GMEB1: variants seen among roughly 807,000 people sequenced by gnomAD.
The protein encoded by GMEB1 is glucocorticoid modulatory element binding protein 1.
In GMEB1, 6 loss-of-function variants were observed where a neutral mutation model predicts 52.4. The ratio of observed to expected loss-of-function variants is 0.11; its 90% CI spans 0.06 to 0.23. GMEB1 has a LOEUF of 0.23. Ranked by LOEUF, GMEB1 falls within the 10% of genes least tolerant of loss-of-function variation. GMEB1 has a pLI of 1.00. For missense variants in GMEB1, 486 were observed against 685.6 expected, an observed-to-expected ratio of 0.71 and a Z score of 3.25; for synonymous variants, 255 against 244.9, an observed-to-expected ratio of 1.04 and a Z score of -0.38.
chr1:28,712,743 A>C (rs1411347899), intron 9 of GMEB1, among the ~76,000 whole-genome samples: 1 of 151,296 alleles, frequency 6.6e-6, no homozygotes, highest in Non-Finnish European at 1.5e-5. Context: ...CACTTGAACC[A>C]GGAGAATTGC....
rs1169280908 is a variant in GMEB1, at chr1:28,716,515, G to A, written c.*1742G>A. On this transcript the variant is annotated 3_prime_UTR_variant, in exon 10 of 10. Coordinates refer to ENST00000373816, the MANE Select transcript of GMEB1 (RefSeq NM_001319674.2). ...GCTGATTTGGAGAACAGTGACAGGT[G>A]CCTGCCTGCCTTCGTCCCCTTTTAG... The A allele has an allele frequency of 1.3e-5, 2 of 152,132 alleles. No homozygotes were observed. The highest frequency in any genetic ancestry group is 2.9e-5 in the Non-Finnish European group (2 of 68,054). The allele number at this position is 152,132 out of a possible 1,614,324, so 9.4% of individuals were successfully genotyped here. A position where few individuals can be genotyped will look rare whatever the true frequency, so the allele number is the denominator to read the frequency against.
chr1:28,700,513 CAAAA>C (rs35332797), intron 6 of GMEB1, among the ~76,000 whole-genome samples: 1 of 82,458 alleles, frequency 1.2e-5, no homozygotes, highest in Non-Finnish European at 2.3e-5. Flanking sequence ...GACTCCATCT[CAAAA>C]AAAAAAAAAA....
chr1:28,714,896 A>G lies in GMEB1; in HGVS notation c.*123A>G. The stretch of plus-strand genomic sequence containing the variant: ...TTTAAAAAAAAAAAAACAAAATCTT[A>G]TTGTTGTAACTGAAAATGTTGGGTT... On this transcript the variant is annotated 3_prime_UTR_variant, in exon 10 of 10. Transcript: ENST00000373816. The G allele has an allele frequency of 1.4e-6, 1 of 717,078 alleles. No individual in the cohort carries two copies. Among genetic ancestry groups the G allele is most frequent in the Non-Finnish European group, 2.2e-6 (1 of 446,362 alleles). The allele number at this position is 717,078 out of a possible 1,614,324, so 44.4% of individuals were successfully genotyped here. A position where few individuals can be genotyped will look rare whatever the true frequency, so the allele number is the denominator to read the frequency against.
At chr1:28,686,847 A>G (rs542717967) in intron 2 of GMEB1, among the ~76,000 whole-genome samples, 1 of 152,066 alleles carries the variant, frequency 6.6e-6, no homozygotes, top group African/African-American at 2.4e-5. Flanking sequence ...AATTGAATAA[A>G]TGAATAAGCC....
Position 28,675,236 on chromosome 1 carries a change from C to T in GMEB1, c.-31+6397C>T, listed in dbSNP as rs374237540. Among the ~76,000 whole-genome samples the T allele has an allele frequency of 5.3e-5, 8 of 151,402 alleles. No homozygotes were observed. In the East Asian group the frequency reaches 9.8e-4, roughly 19 times the overall value. ...GTTTCACCATGTTAGCCAGGATGGT[C>T]TTGATCTCCTGACCTTGTGATCCAC... is the stretch of plus-strand genomic sequence containing the variant. On this transcript the variant is annotated intron_variant, in intron 1 of 9. Transcript: ENST00000373816.
At chr1:28,709,386 A>T (rs1234668040) in intron 8 of GMEB1, among the ~76,000 whole-genome samples, 2 of 152,078 alleles carry the variant, frequency 1.3e-5, no homozygotes, top group African/African-American at 4.8e-5. Flanking sequence ...TCTAATCTTC[A>T]TGTCTATTTT....
intron 2 of GMEB1, chr1:28,689,714 G>A: frequency 6.3e-6 from 1 of 158,740 alleles, no homozygotes; most frequent in Non-Finnish European, 1.4e-5. Flanking sequence ...GTAACTGTTT[G>A]TAGATGTCCT....
At chr1:28,709,870 C>G (rs186912347) in intron 8 of GMEB1, among the ~76,000 whole-genome samples, 1 of 151,962 alleles carries the variant, frequency 6.6e-6, no homozygotes. Context: ...TCAAATTGGC[C>G]GGGCGCGGTG....
intron 1 of GMEB1, among the ~76,000 whole-genome samples, chr1:28,669,758 A>G (rs1474651168): frequency 2.6e-5 from 4 of 152,170 alleles, no homozygotes; most frequent in African/African-American, 9.6e-5. Flanking sequence ...GGAGAAACCT[A>G]TCTTTTTGAG....
intron 5 of GMEB1, among the ~76,000 whole-genome samples, chr1:28,695,704 C>T (rs1022398636): frequency 1.4e-5 from 2 of 148,020 alleles, no homozygotes; most frequent in African/African-American, 2.5e-5. Context: ...TTTGGGAGGC[C>T]GAGGCGGGCG....
At position 28,717,896 on chromosome 1, in the gene GMEB1, T is replaced by C. The variant is rs1033343174; in HGVS notation, c.*3123T>C. ...AGCTATTGGTAGGGTTTTAAGGTCG[T>C]GTGTGCATCATGCTTCCAATGTCAA... is the stretch of plus-strand genomic sequence containing the variant. On this transcript the variant is annotated 3_prime_UTR_variant, in exon 10 of 10. Coordinates refer to ENST00000373816, the MANE Select transcript of GMEB1 (RefSeq NM_001319674.2). 1 of 152,196 alleles carries C rather than the reference T, an allele frequency of 6.6e-6. No homozygotes were observed. Among genetic ancestry groups the C allele is most frequent in the Non-Finnish European group, 1.5e-5 (1 of 68,032 alleles). 9.4% of individuals were successfully genotyped at this position (152,196 alleles called of 1,614,324 possible).
intron 2 of GMEB1, among the ~76,000 whole-genome samples, chr1:28,687,378 AC>A (rs1398028756): frequency 0.014 from 1,767 of 126,652 alleles, 297 homozygotes; most frequent in Non-Finnish European, 0.021. Context: ...ACACACACAC[AC>A]ACACACACAA....
intron 5 of GMEB1, 76 bp from the exon 6 acceptor site, chr1:28,696,851 C>T: frequency 8.7e-7 from 1 of 1,145,998 alleles, no homozygotes; most frequent in Non-Finnish European, 1.3e-6. Context: ...AGTGTTGTCC[C>T]TATTTTTCCC....
Position 28,702,423 on chromosome 1 carries a change from C to T in GMEB1, c.599-15C>T. 1 of 1,611,440 alleles carries T rather than the reference C, an allele frequency of 6.2e-7. No homozygotes were observed. The highest frequency in any genetic ancestry group is 8.5e-7 in the Non-Finnish European group (1 of 1,178,020). ...GTTAAATTCACTGTTCTCACCTCTA[C>T]TGGACTGTTTTTAGGTAGCATCACG... On this transcript the variant is annotated splice_polypyrimidine_tract_variant and intron_variant, in intron 6 of 9. Coordinates refer to ENST00000373816, the MANE Select transcript of GMEB1 (RefSeq NM_001319674.2).
chr1:28,699,436 CT>C (rs918224996), intron 6 of GMEB1, among the ~76,000 whole-genome samples: 91 of 146,250 alleles, frequency 6.2e-4, no homozygotes, highest in South Asian at 1.3e-3. Flanking sequence ...AAATTGACCT[CT>C]TTTTTTTTTT....
chr1:28,701,351 G>T (rs1216590921), intron 6 of GMEB1, among the ~76,000 whole-genome samples: 1 of 139,746 alleles, frequency 7.2e-6, no homozygotes, highest in South Asian at 2.4e-4. Flanking sequence ...CTCACTGCAA[G>T]CTCCGCCTCC....
intron 8 of GMEB1, among the ~76,000 whole-genome samples, chr1:28,708,951 G>A (rs1292015326): frequency 6.6e-6 from 1 of 152,052 alleles, no homozygotes; most frequent in Non-Finnish European, 1.5e-5. Flanking sequence ...CTAACACGGT[G>A]AAACCCCATC....
intron 1 of GMEB1, among the ~76,000 whole-genome samples, chr1:28,681,349 C>T (rs182858007): frequency 1.5e-4 from 23 of 152,076 alleles, no homozygotes; most frequent in Admixed American, 5.2e-4. Flanking sequence ...GTCTGGGCAA[C>T]GGAGCGAGAC....
At chr1:28,713,994 A>C in intron 9 of GMEB1, 79 bp from the exon 10 acceptor site, 1 of 1,018,470 alleles carries the variant, frequency 9.8e-7, no homozygotes, top group Non-Finnish European at 1.5e-6. Context: ...AGACAGAGAC[A>C]CCAGGTCTCC....
Sources: allele counts gnomAD v4.1 joint callset (sites outside exome capture counted in the v4.1 genomes callset), GRCh38; gene constraint gnomAD v4.1.1; transcripts MANE v1.5; gene names NCBI Gene and HGNC (gene_info 2026-07-23, HGNC 2026-07-21).